The following PABPC4L variants were observed in gnomAD, a reference collection of about 807,000 sequenced individuals.
The protein encoded by PABPC4L is polyadenylate-binding protein 4-like.
For missense variants in PABPC4L, 452 were observed against 451.4 expected (o/e 1.00, Z -0.01); for synonymous variants, 169 against 164.1 (o/e 1.03, Z -0.23).
At chr4:133,976,106 CT>C in the PABPC4L span, among the ~76,000 whole-genome samples, 1 of 152,096 alleles carries the variant, frequency 6.6e-6, no homozygotes, top group African/African-American at 2.4e-5. Context: ...ATGCTCTCCC[CT>C]GCCACCTTCC....
At chr4:133,986,739 CTTT>C in the PABPC4L span, among the ~76,000 whole-genome samples, 1 of 143,954 alleles carries the variant, frequency 6.9e-6, no homozygotes. Context: ...AGTGAGAAGA[CTTT>C]TTTTTTTTTT....
chr4:133,977,592 A>G, the PABPC4L span, among the ~76,000 whole-genome samples: 1 of 151,950 alleles, frequency 6.6e-6, no homozygotes. Flanking sequence ...TCCTTTAGCA[A>G]TGGTTTGTAG....
At chr4:134,106,387 T>G in the PABPC4L span, among the ~76,000 whole-genome samples, 1 of 151,296 alleles carries the variant, frequency 6.6e-6, no homozygotes, top group African/African-American at 2.4e-5. Flanking sequence ...CAAATCAATT[T>G]TCAAAAGGAA....
At chr4:134,008,404 T>C in the PABPC4L span, among the ~76,000 whole-genome samples, 1 of 151,748 alleles carries the variant, frequency 6.6e-6, no homozygotes, top group Admixed American at 6.6e-5. Context: ...GTTGTTTTAC[T>C]AGTAGACTTA....
the PABPC4L span, among the ~76,000 whole-genome samples, chr4:133,986,558 A>G: frequency 1.3e-5 from 2 of 152,158 alleles, no homozygotes; most frequent in Non-Finnish European, 2.9e-5. Context: ...AACACCTACA[A>G]ATATCACTGT....
chr4:133,969,129 C>A, the PABPC4L span, among the ~76,000 whole-genome samples: 3,380 of 152,216 alleles, frequency 0.022, 123 homozygotes, highest in African/African-American at 0.075. Context: ...GATGTTTTCT[C>A]ACTTCTCTGT....
chr4:134,013,901 C>T, the PABPC4L span, among the ~76,000 whole-genome samples: 1 of 134,256 alleles, frequency 7.4e-6, no homozygotes, highest in Non-Finnish European at 1.8e-5. Flanking sequence ...ATCACCTCCC[C>T]TCCTCACACC....
the PABPC4L span, among the ~76,000 whole-genome samples, chr4:133,999,442 T>G: frequency 6.6e-6 from 1 of 152,130 alleles, no homozygotes; most frequent in East Asian, 1.9e-4. Flanking sequence ...TTTGCTTGCT[T>G]ATTTTGGTCT....
At chr4:134,087,413 G>A in the PABPC4L span, among the ~76,000 whole-genome samples, 1 of 152,044 alleles carries the variant, frequency 6.6e-6, no homozygotes, top group Non-Finnish European at 1.5e-5. Context: ...TTTGGCTTCT[G>A]GGACATCACT....
chr4:134,166,912 C>T, the PABPC4L span, among the ~76,000 whole-genome samples: 4 of 152,074 alleles, frequency 2.6e-5, no homozygotes, highest in Non-Finnish European at 4.4e-5. Flanking sequence ...TAACCCATAC[C>T]ATTCTTCTCT....
At chr4:134,030,673 A>G in the PABPC4L span, among the ~76,000 whole-genome samples, 1 of 152,162 alleles carries the variant, frequency 6.6e-6, no homozygotes, top group East Asian at 1.9e-4. Flanking sequence ...ATCTGTGGTA[A>G]TGAATGAACA....
the PABPC4L span, among the ~76,000 whole-genome samples, chr4:134,054,657 A>G: frequency 6.6e-6 from 1 of 151,960 alleles, no homozygotes; most frequent in African/African-American, 2.4e-5. Flanking sequence ...ATCACTTGAG[A>G]TTGCATTTTT....
At chr4:134,039,611 A>C in the PABPC4L span, among the ~76,000 whole-genome samples, 13 of 152,028 alleles carry the variant, frequency 8.6e-5, no homozygotes, top group African/African-American at 2.4e-4. Flanking sequence ...TTGTTGGTTT[A>C]AAGTCTGTTT....
chr4:133,999,645 T>A, the PABPC4L span, among the ~76,000 whole-genome samples: 2 of 152,196 alleles, frequency 1.3e-5, no homozygotes, highest in East Asian at 3.9e-4. Context: ...GACATCCCTA[T>A]TTCCTATGAG....
At chr4:134,153,824 T>G in the PABPC4L span, among the ~76,000 whole-genome samples, 1 of 147,228 alleles carries the variant, frequency 6.8e-6, no homozygotes, top group Non-Finnish European at 1.5e-5. Flanking sequence ...TTTTTTTTTT[T>G]TTTTTTTTTT....
the PABPC4L span, among the ~76,000 whole-genome samples, chr4:134,067,044 C>T: frequency 2.0e-5 from 3 of 151,994 alleles, no homozygotes; most frequent in South Asian, 2.1e-4. Context: ...ACAATGCTGG[C>T]CTCATATTAT....
At chr4:134,009,663 A>G in the PABPC4L span, among the ~76,000 whole-genome samples, 2 of 152,098 alleles carry the variant, frequency 1.3e-5, no homozygotes, top group South Asian at 2.1e-4. Context: ...ATCAACCACA[A>G]AAAACTTACC....
chr4:134,132,682 C>CAGTT, the PABPC4L span, among the ~76,000 whole-genome samples: 1 of 151,486 alleles, frequency 6.6e-6, no homozygotes, highest in Non-Finnish European at 1.5e-5. Flanking sequence ...GTAGATCTAC[C>CAGTT]AGTTGATCCA....
the PABPC4L span, among the ~76,000 whole-genome samples, chr4:134,121,812 C>T: frequency 4.0e-5 from 6 of 151,694 alleles, no homozygotes; most frequent in Non-Finnish European, 7.4e-5. Context: ...TGATCCTTTA[C>T]TATTATTGCA....
Sources: allele counts gnomAD v4.1 joint callset (sites outside exome capture counted in the v4.1 genomes callset), GRCh38; gene constraint gnomAD v4.1.1; transcripts MANE v1.5; gene names NCBI Gene and HGNC (gene_info 2026-07-23, HGNC 2026-07-21).